DOCK2: variants seen among roughly 807,000 people sequenced by gnomAD.
DOCK2 encodes dedicator of cytokinesis 2, also known as dedicator of cytokinesis protein 2.
DOCK2 carries 87 observed loss-of-function variants against 248.9 expected under a neutral mutation model. The observed-to-expected ratio is 0.35, with a 90% CI of 0.29 to 0.42. DOCK2 has a LOEUF of 0.42. DOCK2 is among the 10% of genes least tolerant of loss of function. The probability of loss-of-function intolerance (pLI) is 1.00; values close to 1 mark genes in which losing one functional copy is unlikely to be tolerated. For missense variants in DOCK2, 1,747 were observed against 2,300.2 expected (o/e 0.76, Z 4.92); for synonymous variants, 805 against 821.6 (o/e 0.98, Z 0.35).
rs1320669627 is a variant in DOCK2, at chr5:169,971,572, A to G, written c.2800-11496A>G. Among the ~76,000 whole-genome samples, 2 of 152,052 alleles carry G rather than the reference A, an allele frequency of 1.3e-5. 1 individual carries two copies. The highest frequency in any genetic ancestry group is 4.1e-4 in the South Asian group (2 of 4,824). On this transcript the variant is annotated intron_variant, in intron 27 of 51. Coordinates refer to ENST00000520908, the MANE Select transcript of DOCK2 (RefSeq NM_004946.3). ...TCAGCCTCATAGGATTTTTCTCATCATGGGGATCAGCTTCATAAAAGCCAG... is the reference window on the plus strand; with the variant it reads ...TCAGCCTCATAGGATTTTTCTCATCGTGGGGATCAGCTTCATAAAAGCCAG...
chr5:170,024,982 C>T (rs899677102), intron 33 of DOCK2, among the ~76,000 whole-genome samples: 1 of 152,192 alleles, frequency 6.6e-6, no homozygotes, highest in African/African-American at 2.4e-5. Context: ...AAGTTCAGCT[C>T]ACCAGGAAGA....
intron 1 of DOCK2, 72 bp downstream of exon 1, chr5:169,637,441 C>CG (rs1756884608): frequency 7.8e-7 from 1 of 1,285,316 alleles, no homozygotes; most frequent in Non-Finnish European, 9.8e-7. Flanking sequence ...GAGGATGCTG[C>CG]GGGGCCGGCG....
In DOCK2 at chr5:169,971,050, C is replaced by T. The variant is rs192675246; in HGVS notation, c.2800-12018C>T. On this transcript the variant is annotated intron_variant, in intron 27 of 51. Coordinates refer to ENST00000520908, the MANE Select transcript of DOCK2 (RefSeq NM_004946.3). The stretch of plus-strand genomic sequence containing the variant: ...GCTGTGTCACCTTTATTAATGATGA[C>T]GGGGAGAGGGAGTCAGCAGGCAGCT... 1.5e-4 allele frequency among the ~76,000 whole-genome samples: 23 copies of T among 151,966 alleles called. No homozygotes were observed. The South Asian group carries it at 3.1e-3, about 21-fold the overall frequency.
In DOCK2 at chr5:169,948,500, T is replaced by C. The variant is rs184682392; in HGVS notation, c.2800-34568T>C. Among the ~76,000 whole-genome samples the C allele has an allele frequency of 1.6e-4, 24 of 152,220 alleles. No homozygotes were observed. The East Asian group carries it at 4.6e-3, about 29-fold the overall frequency. On this transcript the variant is annotated intron_variant, in intron 27 of 51. Transcript: ENST00000520908. The stretch of plus-strand genomic sequence containing the variant: ...CTCTCTCTATCTGTATATCTGACTA[T>C]CATCTACCTACACACACATAGAAAC...
chr5:169,786,396 G>A (rs1391861870), intron 25 of DOCK2, among the ~76,000 whole-genome samples: 2 of 152,196 alleles, frequency 1.3e-5, no homozygotes, highest in East Asian at 1.9e-4. Context: ...CTGCTGGAAT[G>A]TGTGTACTCC....
At chr5:169,975,594 A>G (rs548907685) in intron 27 of DOCK2, among the ~76,000 whole-genome samples, 30 of 152,160 alleles carry the variant, frequency 2.0e-4, no homozygotes, top group Non-Finnish European at 4.1e-4. Flanking sequence ...AGATTTTTGC[A>G]TGACCCATTT....
intron 33 of DOCK2, 77 bp from the exon 34 acceptor site, chr5:170,027,786 G>C (rs1282770538): frequency 2.1e-6 from 3 of 1,402,370 alleles, no homozygotes; most frequent in Non-Finnish European, 3.0e-6. Flanking sequence ...TAAAGCTTTG[G>C]TTGAAATAAT....
chr5:169,817,988 A>T (rs990308584), intron 26 of DOCK2, among the ~76,000 whole-genome samples: 23 of 152,252 alleles, frequency 1.5e-4, no homozygotes, highest in South Asian at 4.1e-4. Flanking sequence ...AAAACATCGC[A>T]TAAAAAGCAG....
In DOCK2 at chr5:169,882,522, C is replaced by A; in HGVS notation, c.2799+41670C>A. The A allele has an allele frequency of 2.7e-6, 4 of 1,506,158 alleles. No individual in the cohort carries two copies. The South Asian group carries it at 5.1e-5, about 19-fold the overall frequency. 93.3% of individuals were successfully genotyped at this position (1,506,158 alleles called of 1,614,324 possible). On this transcript the variant is annotated intron_variant, in intron 27 of 51. Coordinates refer to ENST00000520908, the MANE Select transcript of DOCK2 (RefSeq NM_004946.3). ...GTGTTGGCAAATGACTTCACCCAGT[C>A]ATTTTTAATATGAAAAAAAAATCTC...
intron 38 of DOCK2, among the ~76,000 whole-genome samples, chr5:170,043,903 C>T (rs1274599442): frequency 1.3e-5 from 2 of 152,210 alleles, no homozygotes; most frequent in Admixed American, 1.3e-4. Flanking sequence ...GTCTAGTGAG[C>T]AAAACAGACA....
intron 33 of DOCK2, among the ~76,000 whole-genome samples, chr5:170,023,135 G>T (rs978447397): frequency 6.6e-6 from 1 of 152,074 alleles, no homozygotes. Context: ...GATGCAGATT[G>T]TAGAACAGGA....
At chr5:169,987,356 A>G in intron 29 of DOCK2, among the ~76,000 whole-genome samples, 1 of 152,218 alleles carries the variant, frequency 6.6e-6, no homozygotes, top group Non-Finnish European at 1.5e-5. Context: ...CTTGGATTTC[A>G]TGACCCGCCT....
chr5:169,842,139 A>G (rs548079912), intron 27 of DOCK2, among the ~76,000 whole-genome samples: 2 of 152,294 alleles, frequency 1.3e-5, no homozygotes, highest in African/African-American at 4.8e-5. Flanking sequence ...AGTTTATTTT[A>G]AAAAATAATG....
intron 8 of DOCK2, among the ~76,000 whole-genome samples, chr5:169,685,913 G>A (rs553435473): frequency 1.2e-4 from 19 of 152,298 alleles, no homozygotes; most frequent in Admixed American, 6.5e-4. Context: ...TATTTCCCAC[G>A]TAAGTCTGTC....
chr5:170,057,671 G>A lies in DOCK2; in HGVS notation c.4467+5G>A. 1 of 1,598,828 alleles carries A rather than the reference G, an allele frequency of 6.3e-7. No homozygotes were observed. Among genetic ancestry groups the A allele is most frequent in the Non-Finnish European group, 8.5e-7 (1 of 1,170,504 alleles). On this transcript the variant is annotated splice_donor_5th_base_variant and intron_variant, in intron 44 of 51. Coordinates refer to ENST00000520908, the MANE Select transcript of DOCK2 (RefSeq NM_004946.3). ...GAGGTGGTGCACATGTCGCAGGTGA[G>A]TCTGGGACATTCGTGGCAGGGCCAC...
At chr5:169,991,846 CT>C (rs1468871066) in intron 29 of DOCK2, among the ~76,000 whole-genome samples, 1 of 152,340 alleles carries the variant, frequency 6.6e-6, no homozygotes, top group East Asian at 1.9e-4. Flanking sequence ...AAATTATTTG[CT>C]CTTTCTAAGA....
intron 44 of DOCK2, among the ~76,000 whole-genome samples, chr5:170,063,622 G>A (rs1355723100): frequency 6.6e-6 from 1 of 152,164 alleles, no homozygotes; most frequent in Non-Finnish European, 1.5e-5. Flanking sequence ...TCTCAACCTA[G>A]TGATAAATCC....
Position 169,872,620 on chromosome 5 carries a change from A to G in DOCK2, c.2799+31768A>G, listed in dbSNP as rs550958196. ...CTCTGCTGATAGCTATATCTGAAAG[A>G]AATCTGTGTTTTGGGTTCTGTGACT... On this transcript the variant is annotated intron_variant, in intron 27 of 51. Coordinates refer to ENST00000520908, the MANE Select transcript of DOCK2 (RefSeq NM_004946.3). Among the ~76,000 whole-genome samples, 6 of 152,328 alleles carry G rather than the reference A, an allele frequency of 3.9e-5. No homozygotes were observed. In the South Asian group the frequency reaches 1.2e-3, roughly 32 times the overall value.
intron 41 of DOCK2, among the ~76,000 whole-genome samples, chr5:170,053,871 A>C (rs1323400878): frequency 2.0e-5 from 3 of 152,184 alleles, no homozygotes; most frequent in Non-Finnish European, 4.4e-5. Context: ...TGAAAGAACC[A>C]TAGTCTCTGC....
Sources: allele counts gnomAD v4.1 joint callset (sites outside exome capture counted in the v4.1 genomes callset), GRCh38; gene constraint gnomAD v4.1.1; transcripts MANE v1.5; gene names NCBI Gene and HGNC (gene_info 2026-07-23, HGNC 2026-07-21).